Variants in RNF112 observed in about 807,000 individuals in gnomAD.
RNF112 encodes the protein brain finger protein.
Under a neutral mutation model 64.7 loss-of-function variants are expected in RNF112, and 34 were observed. The ratio of observed to expected loss-of-function variants is 0.53; its 90% CI spans 0.40 to 0.70. The LOEUF is 0.70. RNF112 is among the 30% of genes least tolerant of loss of function. RNF112 has a pLI of 0.00. For synonymous variants in RNF112, 345 were observed against 344.5 expected (o/e 1.00, Z -0.02); for missense variants, 734 against 850.0 (o/e 0.86, Z 1.70).
Position 19,413,232 on chromosome 17 carries a change from G to A in RNF112, c.589-48G>A. 6.3e-7 allele frequency: 1 copy of A among 1,596,666 alleles called. No homozygotes were observed. Among genetic ancestry groups the A allele is most frequent in the African/African-American group, 1.3e-5 (1 of 74,786 alleles). On this transcript the variant is annotated intron_variant, in intron 4 of 13. Transcript: ENST00000461366. The surrounding 1 kb of genome is among the most constrained non-coding windows in gnomAD (Gnocchi z 5.9). Reference sequence around the variant, plus strand: ...AGCTGGGTCTGGTATTCCGGTCTGTGGGGACAAGGAACCGACCAACTGATG... The same window carrying A: ...AGCTGGGTCTGGTATTCCGGTCTGTAGGGACAAGGAACCGACCAACTGATG...
chr17:19,414,476 G>A lies in RNF112; in HGVS notation c.904G>A (p.Gly302Ser). The change falls in exon 8 of 14, where the codon GGC becomes AGC. Residue 302 changes from glycine to serine, a missense_variant. Physicochemically the swap from Gly to Ser is moderately conservative, Grantham distance 56 (BLOSUM62 0). Coordinates refer to ENST00000461366, the MANE Select transcript of RNF112 (RefSeq NM_007148.5). Reference protein sequence around the residue: ...EMFVHVAEVMGKHYGMVPIQH... With the variant: ...EMFVHVAEVMSKHYGMVPIQH... ...GTTTGTCCACGTGGCCGAGGTGATG[G>A]GCAAGCATTATGGGATGGTGCCAAT... The A allele has an allele frequency of 1.2e-6, 2 of 1,613,982 alleles. No homozygotes were observed. The highest frequency in any genetic ancestry group is 1.7e-6 in the Non-Finnish European group (2 of 1,179,874).
rs1913749857 is a variant in RNF112 at position 19,413,511 on chromosome 17, G to A, written c.721-66G>A. On this transcript the variant is annotated intron_variant, in intron 5 of 13. Transcript: ENST00000461366. This position sits in a 1 kb window ranked among gnomAD's most constrained non-coding sequence, Gnocchi z 5.9. Reference sequence around the variant, plus strand: ...GAAGATGGGGATGGGACGGGGCAGGGTTGGGAAGAATGTGGGAGAACAAGG... The same window carrying A: ...GAAGATGGGGATGGGACGGGGCAGGATTGGGAAGAATGTGGGAGAACAAGG... 1.3e-6 allele frequency: 2 copies of A among 1,579,174 alleles called. No homozygotes were observed. Among genetic ancestry groups the A allele is most frequent in the Non-Finnish European group, 1.7e-6 (2 of 1,153,968 alleles).
intron 6 of RNF112, 21 bp from the exon 7 acceptor site, chr17:19,414,074 T>C: frequency 6.3e-7 from 1 of 1,597,512 alleles, no homozygotes; most frequent in Non-Finnish European, 8.6e-7. Context: ...CTCTCATACA[T>C]GTTGTTCTCT....
rs777161563 is a variant in RNF112, at chr17:19,412,756, G to A, written c.354G>A (p.Pro118=). Residue 118 remains proline (P), a synonymous_variant, in exon 3 of 14, where the codon CCG becomes CCA. Coordinates refer to ENST00000461366, the MANE Select transcript of RNF112 (RefSeq NM_007148.5). This position sits in a 1 kb window ranked among gnomAD's most constrained non-coding sequence, Gnocchi z 5.1. ...RSLGEKMKLL[P]QRPLPPALQE... ...TGGGCGAGAAGATGAAGCTCCTGCC[G>A]CAGCGGCCGCTGCCCCCTGCACTGC... 4 of 1,612,666 alleles carry A rather than the reference G, an allele frequency of 2.5e-6. No individual in the cohort carries two copies. The highest frequency in any genetic ancestry group is 2.2e-5 in the East Asian group (1 of 44,840).
In RNF112 at chr17:19,411,312, T is replaced by C; in HGVS notation, c.-97T>C. 8.2e-7 allele frequency: 1 copy of C among 1,212,224 alleles called. No homozygotes were observed. Among genetic ancestry groups the C allele is most frequent in the Non-Finnish European group, 1.2e-6 (1 of 855,106 alleles). 75.1% of individuals were successfully genotyped at this position (1,212,224 alleles called of 1,614,324 possible). A position where few individuals can be genotyped will look rare whatever the true frequency, so the allele number is the denominator to read the frequency against. On this transcript the variant is annotated 5_prime_UTR_variant, in exon 1 of 14. Coordinates refer to ENST00000461366, the MANE Select transcript of RNF112 (RefSeq NM_007148.5). ...ACCTCACCTTCTACCTACCGCAGCC[T>C]GCTAGCCTTTCCGGGAGAAAAGGCA...
intron 7 of RNF112, 118 bp downstream of exon 7, chr17:19,414,263 G>A (rs1913783371): frequency 2.6e-6 from 3 of 1,133,768 alleles, no homozygotes; most frequent in Middle Eastern, 2.8e-4. Context: ...CTTGAACAGG[G>A]TTGAAGGGGG....
At position 19,414,880 on chromosome 17, in the gene RNF112, C is replaced by G; in HGVS notation, c.1119C>G (p.Ser373Arg). The G allele has an allele frequency of 1.2e-6, 2 of 1,613,476 alleles. No homozygotes were observed. The highest frequency in any genetic ancestry group is 1.7e-6 in the Non-Finnish European group (2 of 1,179,776). ...GGCGGATGAACCAAGGCCATGCAAG[C>G]CCTGGTGGTGAGTGTCTCTGAGAGC... ...GRRRMNQGHA[S>R]PGDTDDDFRH... Residue 373 changes from serine to arginine, a missense_variant, in exon 10 of 14, where the codon AGC (serine) becomes AGG (arginine). Ser to Arg is a moderately radical substitution (Grantham distance 110). Transcript: ENST00000461366.
Position 19,415,910 on chromosome 17 carries a change from GT to G in RNF112, c.1632del (p.Cys544TrpfsTer4), listed in dbSNP as rs1567937389. 1.2e-6 allele frequency: 2 copies of G among 1,612,654 alleles called. No individual in the cohort carries two copies. Among genetic ancestry groups the G allele is most frequent in the Non-Finnish European group, 1.7e-6 (2 of 1,179,552 alleles). On this transcript the variant is annotated frameshift_variant, in exon 14 of 14. Transcript: ENST00000461366. LOFTEE classifies it high-confidence loss of function. This position sits in a 1 kb window ranked among gnomAD's most constrained non-coding sequence, Gnocchi z 7.8. ...ATGGACTCCTACACGATGCGCTTCT[GT>G]GGCCACCTAGCTGCTGTGGGGGGTG... is the stretch of plus-strand genomic sequence containing the variant. ...AFMDSYTMRF[C>X]GHLAAVGGAV...
In RNF112 at chr17:19,416,820, C is replaced by T. The variant is rs1913910967; in HGVS notation, c.*645C>T. 1 of 152,588 alleles carries T rather than the reference C, an allele frequency of 6.6e-6. No homozygotes were observed. Among genetic ancestry groups the T allele is most frequent in the Non-Finnish European group, 1.5e-5 (1 of 68,396 alleles). 9.5% of individuals were successfully genotyped at this position (152,588 alleles called of 1,614,324 possible). The stretch of plus-strand genomic sequence containing the variant: ...TGGCCCACAGCCCCAGAGAGCCTGT[C>T]TGTGCATCCTGAACCACTCTTTGCT... On this transcript the variant is annotated 3_prime_UTR_variant, in exon 14 of 14. Transcript: ENST00000461366.
chr17:19,415,258 C>T lies in RNF112; in HGVS notation c.1297-28C>T. On this transcript the variant is annotated intron_variant, in intron 11 of 13. Transcript: ENST00000461366. The surrounding 1 kb of genome is among the most constrained non-coding windows in gnomAD (Gnocchi z 7.8). ...GCGACTCGGCTGGGCCCCTGCTCTC[C>T]CTGACCCCAGCGATGGTATCTCCGC... The T allele has an allele frequency of 6.3e-7, 1 of 1,598,590 alleles. No individual in the cohort carries two copies. Among genetic ancestry groups the T allele is most frequent in the Non-Finnish European group, 8.5e-7 (1 of 1,175,906 alleles).
Position 19,415,102 on chromosome 17 carries a change from C to T in RNF112, c.1191C>T (p.Pro397=). 6.2e-7 allele frequency: 1 copy of T among 1,606,734 alleles called. No homozygotes were observed. The highest frequency in any genetic ancestry group is 8.5e-7 in the Non-Finnish European group (1 of 1,178,034). The change falls in exon 11 of 14, where the codon CCC becomes CCT. Residue 397 remains proline (P), a synonymous_variant. Transcript: ENST00000461366. This position sits in a 1 kb window ranked among gnomAD's most constrained non-coding sequence, Gnocchi z 7.8. The part of the protein sequence containing the change: ...AYVSDVLSAA[P]QHAKSRCQGY... ...TCTCAGATGTGCTGAGTGCGGCCCC[C>T]CAGCACGCTAAGAGCCGCTGCCAGG...
chr17:19,414,802 G>A lies in RNF112; in HGVS notation c.1041G>A (p.Glu347=). The change falls in exon 10 of 14, where the codon GAG becomes GAA. Residue 347 remains glutamate (E), a synonymous_variant. Coordinates refer to ENST00000461366, the MANE Select transcript of RNF112 (RefSeq NM_007148.5). ...RLSGRYPKVQ[E]LLQGKRARCC... ...CTGGCAGATACCCCAAGGTGCAGGA[G>A]CTGCTGCAAGGGAAGCGAGCCCGTT... 6.2e-7 allele frequency: 1 copy of A among 1,613,726 alleles called. No individual in the cohort carries two copies. Among genetic ancestry groups the A allele is most frequent in the Non-Finnish European group, 8.5e-7 (1 of 1,179,842 alleles).
chr17:19,416,244 GA>G lies in RNF112; in HGVS notation c.*70del. On this transcript the variant is annotated 3_prime_UTR_variant, in exon 14 of 14. Transcript: ENST00000461366. ...GATGAAGAAGAGGGGCAGGTCGGGG[GA>G]GGGTGATGCCAGGGATTCCAAGGCA... The G allele has an allele frequency of 7.2e-7, 1 of 1,380,072 alleles. No homozygotes were observed. The allele number at this position is 1,380,072 out of a possible 1,614,324, so 85.5% of individuals were successfully genotyped here. A position where few individuals can be genotyped will look rare whatever the true frequency, so the allele number is the denominator to read the frequency against.
rs764442393 is a variant in RNF112, at chr17:19,415,992, A to G, written c.1713A>G (p.Ala571=). 1 of 1,561,702 alleles carries G rather than the reference A, an allele frequency of 6.4e-7. No individual in the cohort carries two copies. The highest frequency in any genetic ancestry group is 1.2e-5 in the South Asian group (1 of 83,812). ...GGGGCGTGGTGGGTGCTGGCATGGCAGCAGCTGCACTGGCTGCAGAGGCTG... is the reference window on the plus strand; with the variant it reads ...GGGGCGTGGTGGGTGCTGGCATGGCGGCAGCTGCACTGGCTGCAGAGGCTG... The part of the protein sequence containing the change: ...LAGGVVGAGM[A]AAALAAEAGM... The change falls in exon 14 of 14, where the codon GCA becomes GCG. Residue 571 remains alanine, a synonymous_variant. Coordinates refer to ENST00000461366, the MANE Select transcript of RNF112 (RefSeq NM_007148.5). The surrounding 1 kb of genome is among the most constrained non-coding windows in gnomAD (Gnocchi z 7.8).
Position 19,415,071 on chromosome 17 carries a change from C to A in RNF112, c.1160C>A (p.Ala387Asp), listed in dbSNP as rs761028293. The change falls in exon 11 of 14, where the codon GCC becomes GAC. Residue 387 changes from alanine (A) to aspartate (D), a missense_variant. Transcript: ENST00000461366. The surrounding 1 kb of genome is among the most constrained non-coding windows in gnomAD (Gnocchi z 7.8). ...GATGACTTCCGCCACCTTCTGGGGG[C>A]CTACGTCTCAGATGTGCTGAGTGCG... ...TDDDFRHLLG[A>D]YVSDVLSAAP... The A allele has an allele frequency of 6.3e-7, 1 of 1,592,710 alleles. No individual in the cohort carries two copies. Among genetic ancestry groups the A allele is most frequent in the African/African-American group, 1.4e-5 (1 of 73,778 alleles).
In RNF112 at chr17:19,415,949, G is replaced by C. The variant is rs1210041256; in HGVS notation, c.1670G>C (p.Gly557Ala). 4 of 1,601,934 alleles carry C rather than the reference G, an allele frequency of 2.5e-6. No homozygotes were observed. The Admixed American group carries it at 6.8e-5, about 27-fold the overall frequency. The change falls in exon 14 of 14, where the codon GGG (glycine) becomes GCG (alanine). Residue 557 changes from glycine to alanine, a missense_variant. Physicochemically the swap from Gly to Ala is moderately conservative, Grantham distance 60. Coordinates refer to ENST00000461366, the MANE Select transcript of RNF112 (RefSeq NM_007148.5). The surrounding 1 kb of genome is among the most constrained non-coding windows in gnomAD (Gnocchi z 7.8). The stretch of plus-strand genomic sequence containing the variant: ...GCTGTGGGGGGTGCTGTGGGGGCCG[G>C]GCTCATGGGCCTGGCAGGGGGCGTG... ...LAAVGGAVGAGLMGLAGGVVG... is the reference protein window; with the variant it reads ...LAAVGGAVGAALMGLAGGVVG...
intron 7 of RNF112, 109 bp from the exon 8 acceptor site, chr17:19,414,340 G>A (rs1034798864): frequency 1.5e-6 from 2 of 1,366,744 alleles, no homozygotes; most frequent in Non-Finnish European, 2.1e-6. Context: ...GCTGCAAAAG[G>A]GGGAGCCTAG....
Position 19,413,259 on chromosome 17 carries a change from T to G in RNF112, c.589-21T>G. 6.3e-7 allele frequency: 1 copy of G among 1,597,472 alleles called. No homozygotes were observed. On this transcript the variant is annotated intron_variant, in intron 4 of 13. Transcript: ENST00000461366. The surrounding 1 kb of genome is among the most constrained non-coding windows in gnomAD (Gnocchi z 5.9). ...GGACAAGGAACCGACCAACTGATGC[T>G]CTCCCTTCTCTCCCCTGCAGGAGTC...
rs758774239 is a variant in RNF112, at chr17:19,414,447, A to G, written c.877-2A>G. The G allele has an allele frequency of 5.0e-6, 8 of 1,613,828 alleles. No homozygotes were observed. Among genetic ancestry groups the G allele is most frequent in the Non-Finnish European group, 6.8e-6 (8 of 1,179,866 alleles). ...CTGACGCTTTCTGTGTCCCACCCCC[A>G]GATGTTTGTCCACGTGGCCGAGGTG... On this transcript the variant is annotated splice_acceptor_variant, in intron 7 of 13. Transcript: ENST00000461366. LOFTEE classifies it high-confidence loss of function.
Sources: gnomAD v4.1 joint callset for allele counts on GRCh38, gnomAD v4.1.1 for gene constraint, Gnocchi (gnomAD v3.1) non-coding constraint, MANE v1.5 for transcripts, NCBI Gene and HGNC (gene_info 2026-07-23, HGNC 2026-07-21) for gene names.